The following TLN2 variants were observed in gnomAD, a reference collection of about 807,000 sequenced individuals.
TLN2 encodes the protein talin-2.
Under a neutral mutation model 294.7 loss-of-function variants are expected in TLN2, and 118 were observed. The ratio of observed to expected loss-of-function variants is 0.40; its 90% confidence interval spans 0.34 to 0.47. TLN2 has a LOEUF of 0.47. TLN2 is among the 20% of genes least tolerant of loss of function. TLN2 has a pLI of 0.84. For missense variants in TLN2, 3,083 were observed against 3,282.2 expected, an observed-to-expected ratio of 0.94 and a Z score of 1.48; for synonymous variants, 1,431 against 1,304.5, an observed-to-expected ratio of 1.10 and a Z score of -2.09.
intron 1 of TLN2, among the ~76,000 whole-genome samples, chr15:62,466,559 G>C (rs893382989): frequency 6.6e-6 from 1 of 152,212 alleles, no homozygotes; most frequent in Non-Finnish European, 1.5e-5. Flanking sequence ...GTTGAGAACC[G>C]TTGCTTTAGA....
chr15:62,824,136 T>C, intron 54 of TLN2: 1 of 360,874 alleles, frequency 2.8e-6, no homozygotes. Flanking sequence ...CTCATTACAA[T>C]TCATGTTATC....
intron 1 of TLN2, among the ~76,000 whole-genome samples, chr15:62,582,378 C>T (rs1285603935): frequency 1.3e-5 from 2 of 152,176 alleles, no homozygotes; most frequent in Non-Finnish European, 2.9e-5. Context: ...TAAGAAACTG[C>T]TCTGAGCTGA....
At chr15:62,448,055 A>G (rs1323310458) in intron 1 of TLN2, among the ~76,000 whole-genome samples, 1 of 152,168 alleles carries the variant, frequency 6.6e-6, no homozygotes, top group Non-Finnish European at 1.5e-5. Flanking sequence ...GGAGCCCAGG[A>G]ATCTGTATTT....
intron 21 of TLN2, among the ~76,000 whole-genome samples, chr15:62,711,288 C>G (rs925313688): frequency 3.9e-5 from 6 of 152,072 alleles, no homozygotes; most frequent in Admixed American, 3.9e-4. Context: ...GACAATAAGA[C>G]CAAAGAATAA....
intron 9 of TLN2, among the ~76,000 whole-genome samples, chr15:62,665,645 G>T (rs1022586020): frequency 6.6e-6 from 1 of 152,046 alleles, no homozygotes; most frequent in East Asian, 1.9e-4. Flanking sequence ...AGCAACCCAG[G>T]GTATGAATCT....
At chr15:62,605,401 C>T (rs191025136) in intron 2 of TLN2, among the ~76,000 whole-genome samples, 14 of 152,170 alleles carry the variant, frequency 9.2e-5, no homozygotes, top group Admixed American at 7.2e-4. Context: ...TTCACATTTC[C>T]TGTATTGGAC....
chr15:62,576,510 G>A (rs559124967), intron 1 of TLN2, among the ~76,000 whole-genome samples: 4 of 151,882 alleles, frequency 2.6e-5, no homozygotes, highest in African/African-American at 9.7e-5. Context: ...TCATCCAAGG[G>A]GCAGGGAGGG....
intron 1 of TLN2, among the ~76,000 whole-genome samples, chr15:62,448,023 C>G (rs933805519): frequency 6.6e-6 from 1 of 152,230 alleles, no homozygotes; most frequent in African/African-American, 2.4e-5. Context: ...CTGGCTGCCA[C>G]TGATGCAGAA....
intron 1 of TLN2, among the ~76,000 whole-genome samples, chr15:62,503,885 C>T (rs539085476): frequency 6.6e-6 from 1 of 152,310 alleles, no homozygotes; most frequent in South Asian, 2.1e-4. Flanking sequence ...GCCAGCCTCC[C>T]TTTGATTCTT....
At chr15:62,697,988 G>C (rs2058469110) in intron 15 of TLN2, 120 bp downstream of exon 15, 2 of 1,257,826 alleles carry the variant, frequency 1.6e-6, no homozygotes, top group Non-Finnish European at 1.1e-6. Flanking sequence ...GCTGAACCAT[G>C]CCTCGTTCAG....
chr15:62,422,602 C>G (rs1334719065), intron 1 of TLN2, among the ~76,000 whole-genome samples: 1 of 152,144 alleles, frequency 6.6e-6, no homozygotes, highest in Admixed American at 6.5e-5. Flanking sequence ...TCGAAGGTAC[C>G]AGGGATACCT....
intron 40 of TLN2, 118 bp downstream of exon 40, chr15:62,763,813 C>A: frequency 7.3e-7 from 1 of 1,368,690 alleles, no homozygotes. Flanking sequence ...TGGAGTTTCA[C>A]CATTAGACAG....
At chr15:62,635,003 A>G (rs1453410616) in intron 3 of TLN2, among the ~76,000 whole-genome samples, 2 of 152,098 alleles carry the variant, frequency 1.3e-5, no homozygotes, top group African/African-American at 2.4e-5. Flanking sequence ...TCCTTTGTCA[A>G]TTCTGTCTCT....
intron 41 of TLN2, among the ~76,000 whole-genome samples, chr15:62,769,362 C>T (rs946623326): frequency 1.3e-5 from 2 of 152,116 alleles, no homozygotes; most frequent in Non-Finnish European, 2.9e-5. Context: ...ATAGGCTGTG[C>T]CCTCCACAAA....
chr15:62,710,834 T>C (rs1213604792), intron 21 of TLN2, among the ~76,000 whole-genome samples: 1 of 150,316 alleles, frequency 6.7e-6, no homozygotes, highest in African/African-American at 2.4e-5. Context: ...CATGCCATTC[T>C]TCTGCCTTAG....
At chr15:62,424,219 G>T (rs2034575298) in intron 1 of TLN2, among the ~76,000 whole-genome samples, 2 of 152,344 alleles carry the variant, frequency 1.3e-5, no homozygotes, top group South Asian at 2.1e-4. Flanking sequence ...CTTAAAGATG[G>T]TAGTGATTGG....
At chr15:62,458,125 T>C (rs2140334059) in intron 1 of TLN2, among the ~76,000 whole-genome samples, 1 of 152,270 alleles carries the variant, frequency 6.6e-6, no homozygotes, top group East Asian at 1.9e-4. Flanking sequence ...AGAGCCTTTA[T>C]TGCTGGTGGC....
At chr15:62,673,744 A>T in intron 9 of TLN2, 83 bp from the exon 10 acceptor site, 2 of 1,055,626 alleles carry the variant, frequency 1.9e-6, no homozygotes, top group South Asian at 1.4e-5. Context: ...TGAGTTAACT[A>T]TGAGTTTTAT....
intron 26 of TLN2, among the ~76,000 whole-genome samples, chr15:62,723,764 G>C (rs2060283682): frequency 6.6e-6 from 1 of 151,406 alleles, no homozygotes; most frequent in African/African-American, 2.4e-5. Context: ...TGCCCAGGCT[G>C]GTCTTGAACT....
Sources: gnomAD v4.1 joint callset for allele counts (sites outside exome capture counted in the v4.1 genomes callset) on GRCh38, gnomAD v4.1.1 for gene constraint, MANE v1.5 for transcripts, NCBI Gene and HGNC (gene_info 2026-07-23, HGNC 2026-07-21) for gene names.